Variants in KCNT1 observed in about 807,000 individuals in gnomAD.
KCNT1 encodes potassium sodium-activated channel subfamily T member 1, also known as potassium channel subfamily T member 1.
Under a neutral mutation model 147.8 loss-of-function variants are expected in KCNT1, and 78 were observed. The observed-to-expected ratio is 0.53, with a 90% CI of 0.44 to 0.64. The LOEUF (loss-of-function observed/expected upper bound fraction) is 0.64. KCNT1 is among the 30% of genes least tolerant of loss of function. The pLI is 0.00. For synonymous variants in KCNT1, 867 were observed against 748.8 expected, an observed-to-expected ratio of 1.16 and a Z score of -2.58; for missense variants, 1,419 against 1,750.3, an observed-to-expected ratio of 0.81 and a Z score of 3.38.
chr9:135,772,946 TAG>T lies in KCNT1; in HGVS notation c.2243_2243+1del, dbSNP rs745569466. 6.7e-7 allele frequency: 1 copy of T among 1,483,598 alleles called. No individual in the cohort carries two copies. The highest frequency in any genetic ancestry group is 8.9e-7 in the Non-Finnish European group (1 of 1,118,174). The allele number at this position is 1,483,598 out of a possible 1,614,324, so 91.9% of individuals were successfully genotyped here. ...TCGGACGACGAGGGGCTCTCCGTGGTAGAGTGAGTGCTGCCTTGGAGACGGCT... is the reference window on the plus strand; with the variant it reads ...TCGGACGACGAGGGGCTCTCCGTGGTAGTGAGTGCTGCCTTGGAGACGGCT... On this transcript the variant is annotated frameshift_variant and splice_region_variant, in exon 19 of 31. Coordinates refer to ENST00000371757, the MANE Select transcript of KCNT1 (RefSeq NM_020822.3). LOFTEE classifies it high-confidence loss of function.
At chr9:135,709,029 C>G (rs1306546730) in intron 1 of KCNT1, among the ~76,000 whole-genome samples, 2 of 152,180 alleles carry the variant, frequency 1.3e-5, no homozygotes, top group South Asian at 2.1e-4. Flanking sequence ...TGCCATAACA[C>G]ACATCGTGCA....
intron 12 of KCNT1, 40 bp downstream of exon 12, chr9:135,765,235 C>CG: frequency 3.2e-6 from 5 of 1,583,030 alleles, no homozygotes; most frequent in Non-Finnish European, 4.3e-6. Context: ...GACTCCCTCC[C>CG]GGCCCCTAGA....
Position 135,768,685 on chromosome 9 carries a change from T to A in KCNT1, c.1401+12T>A. 1 of 1,549,568 alleles carries A rather than the reference T, an allele frequency of 6.5e-7. No individual in the cohort carries two copies. The highest frequency in any genetic ancestry group is 8.7e-7 in the Non-Finnish European group (1 of 1,146,342). ...ACCGCACGGCTGCAGTGAGTGAGGC[T>A]GAGGCCCTGCCCAGGCGGGAGGGGC... On this transcript the variant is annotated intron_variant, in intron 14 of 30. Transcript: ENST00000371757.
At chr9:135,735,744 C>A (rs532784266) in intron 2 of KCNT1, among the ~76,000 whole-genome samples, 1 of 152,282 alleles carries the variant, frequency 6.6e-6, no homozygotes, top group East Asian at 1.9e-4. Flanking sequence ...GACTCCAGGT[C>A]TGGGGTCAGA....
chr9:135,729,106 A>G (rs1836329506), intron 2 of KCNT1, among the ~76,000 whole-genome samples: 2 of 152,254 alleles, frequency 1.3e-5, no homozygotes, highest in South Asian at 4.1e-4. Context: ...ATGGGGAGAC[A>G]GGTATACACG....
At chr9:135,706,764 A>G (rs1001995385) in intron 1 of KCNT1, among the ~76,000 whole-genome samples, 2 of 152,184 alleles carry the variant, frequency 1.3e-5, no homozygotes, top group African/African-American at 4.8e-5. Context: ...CACCACACCC[A>G]GCAGCTTTCC....
At chr9:135,756,591 C>G (rs540812834) in intron 6 of KCNT1, among the ~76,000 whole-genome samples, 64 of 152,188 alleles carry the variant, frequency 4.2e-4, no homozygotes, top group Non-Finnish European at 7.9e-4. Context: ...CTGGTGTCTT[C>G]CTGAGCGTCC....
At chr9:135,702,673 G>A (rs1390055548) in intron 1 of KCNT1, among the ~76,000 whole-genome samples, 1 of 152,118 alleles carries the variant, frequency 6.6e-6, no homozygotes, top group Non-Finnish European at 1.5e-5. Context: ...GTGGGGAGTG[G>A]CAGGGAGGCT....
chr9:135,720,178 C>T (rs986502922), intron 2 of KCNT1, among the ~76,000 whole-genome samples: 1 of 151,912 alleles, frequency 6.6e-6, no homozygotes, highest in African/African-American at 2.4e-5. Context: ...CTGCTGGATG[C>T]ACCCCTTCCA....
At chr9:135,705,643 C>T (rs1193745584) in intron 1 of KCNT1, among the ~76,000 whole-genome samples, 1 of 152,188 alleles carries the variant, frequency 6.6e-6, no homozygotes, top group Admixed American at 6.5e-5. Flanking sequence ...TGGGACCTCT[C>T]CCAGCTGTGT....
At chr9:135,719,793 C>T (rs556602938) in intron 2 of KCNT1, among the ~76,000 whole-genome samples, 1 of 152,290 alleles carries the variant, frequency 6.6e-6, no homozygotes, top group East Asian at 1.9e-4. Flanking sequence ...TGCCATGGGG[C>T]CCAGGCACCA....
At chr9:135,733,614 G>T (rs1479180604) in intron 2 of KCNT1, among the ~76,000 whole-genome samples, 1 of 112,506 alleles carries the variant, frequency 8.9e-6, no homozygotes, top group Non-Finnish European at 1.8e-5. Context: ...CCCCACACCT[G>T]CCCTCACATC....
chr9:135,749,163 A>C (rs1049932104), intron 2 of KCNT1, among the ~76,000 whole-genome samples: 1 of 152,122 alleles, frequency 6.6e-6, no homozygotes, highest in Non-Finnish European at 1.5e-5. Flanking sequence ...CCCGCATCCC[A>C]GCACAGCCGG....
At chr9:135,716,934 T>A (rs1443919619) in intron 2 of KCNT1, among the ~76,000 whole-genome samples, 1 of 152,244 alleles carries the variant, frequency 6.6e-6, no homozygotes, top group Non-Finnish European at 1.5e-5. Context: ...TCCCTCAAGA[T>A]GGCCTCAGAG....
At position 135,781,336 on chromosome 9, in the gene KCNT1, G is replaced by A. The variant is rs73557242; in HGVS notation, c.2841+1866G>A. ...GGCAGGGCCAGGCATATACAGAGAC[G>A]TGGAGCCGAGGGAGGAGAGGGTGCC... On this transcript the variant is annotated intron_variant, in intron 24 of 30. Coordinates refer to ENST00000371757, the MANE Select transcript of KCNT1 (RefSeq NM_020822.3). Among the ~76,000 whole-genome samples, 1,518 of 152,294 alleles carry A rather than the reference G, an allele frequency of 1.0e-2. 16 individuals carry two copies. The highest frequency in any genetic ancestry group is 0.03 in the African/African-American group (1,227 of 41,564).
intron 20 of KCNT1, among the ~76,000 whole-genome samples, chr9:135,776,058 G>A (rs982187368): frequency 4.7e-5 from 7 of 150,290 alleles, no homozygotes; most frequent in South Asian, 2.1e-4. Flanking sequence ...CTGGAAACTC[G>A]GGGGTCAATT....
chr9:135,758,640 C>A (rs191851442), intron 10 of KCNT1, 132 bp downstream of exon 10: 2 of 711,620 alleles, frequency 2.8e-6, no homozygotes, highest in African/African-American at 3.5e-5. Context: ...GCCTGGGCTG[C>A]GGGTGTCGGG....
intron 2 of KCNT1, among the ~76,000 whole-genome samples, chr9:135,722,762 C>T (rs1006438823): frequency 6.6e-6 from 1 of 152,162 alleles, no homozygotes; most frequent in Non-Finnish European, 1.5e-5. Context: ...TCTCTGCTCT[C>T]TTCCTGTGGG....
At chr9:135,712,842 A>G (rs931067528) in intron 1 of KCNT1, among the ~76,000 whole-genome samples, 7 of 152,240 alleles carry the variant, frequency 4.6e-5, no homozygotes, top group Non-Finnish European at 8.8e-5. Context: ...ACACCTGCTT[A>G]TGGCCGTGTG....
Sources: gnomAD v4.1 joint callset for allele counts (sites outside exome capture counted in the v4.1 genomes callset) on GRCh38, gnomAD v4.1.1 for gene constraint, MANE v1.5 for transcripts, NCBI Gene and HGNC (gene_info 2026-07-23, HGNC 2026-07-21) for gene names.